The following PRKAR1B variants were observed in gnomAD, a reference collection of about 807,000 sequenced individuals.
PRKAR1B encodes the protein protein kinase cAMP-dependent type I regulatory subunit beta, also known as cAMP-dependent protein kinase type I-beta regulatory subunit.
PRKAR1B carries 22 observed loss-of-function variants against 46.5 expected under a neutral mutation model. The observed-to-expected ratio is 0.47, with a 90% CI of 0.34 to 0.68. The LOEUF is 0.68. Among genes scored for constraint, PRKAR1B ranks in the 30% least tolerant of loss-of-function variants. PRKAR1B has a pLI of 0.01. For synonymous variants in PRKAR1B, 259 were observed against 217.7 expected (o/e 1.19, Z -1.67); for missense variants, 445 against 535.6 (o/e 0.83, Z 1.67).
chr7:709,393 G>A (rs1178544751), intron 2 of PRKAR1B, among the ~76,000 whole-genome samples: 1 of 122,780 alleles, frequency 8.1e-6, no homozygotes, highest in Non-Finnish European at 1.6e-5. Context: ...TTTTTTTTGA[G>A]ACGGAGTCTC....
intron 9 of PRKAR1B, among the ~76,000 whole-genome samples, chr7:561,039 TAC>T (rs1325399262): frequency 6.6e-6 from 1 of 150,664 alleles, no homozygotes; most frequent in Admixed American, 6.6e-5. Flanking sequence ...CACACACACA[TAC>T]ACACAGATGC....
At chr7:709,951 G>A (rs1780533676) in intron 2 of PRKAR1B, among the ~76,000 whole-genome samples, 4 of 152,164 alleles carry the variant, frequency 2.6e-5, no homozygotes, top group Non-Finnish European at 5.9e-5. Context: ...CTACAACTAC[G>A]TTTTTATAAA....
At position 680,735 on chromosome 7, in the gene PRKAR1B, G is replaced by A. The variant is rs763982944; in HGVS notation, c.178-9C>T. On this transcript the variant is annotated splice_polypyrimidine_tract_variant and intron_variant, in intron 2 of 10. Transcript: ENST00000537384. ...ATCTGCCTGTTTTCTTCCTGTGTGG[G>A]AGAGGAAAACACAGAAAGGAAGTAA... The A allele has an allele frequency of 3.1e-6, 5 of 1,613,662 alleles. No individual in the cohort carries two copies. The highest frequency in any genetic ancestry group is 1.1e-5 in the South Asian group (1 of 91,068).
At chr7:583,650 ACACCCATGCG>A (rs1780413588) in intron 8 of PRKAR1B, among the ~76,000 whole-genome samples, 1 of 133,706 alleles carries the variant, frequency 7.5e-6, no homozygotes, top group African/African-American at 3.1e-5. Flanking sequence ...ACATGCATGC[ACACCCATGCG>A]CACACACCCA....
intron 6 of PRKAR1B, among the ~76,000 whole-genome samples, chr7:599,144 C>T (rs577687813): frequency 2.0e-5 from 3 of 152,304 alleles, no homozygotes; most frequent in East Asian, 1.9e-4. Context: ...GTCCCACAGA[C>T]GGCCAGGGCC....
At chr7:574,115 A>G (rs908198157) in intron 9 of PRKAR1B, among the ~76,000 whole-genome samples, 2 of 152,056 alleles carry the variant, frequency 1.3e-5, no homozygotes, top group Admixed American at 1.3e-4. Context: ...CCCCACACAC[A>G]TTTTCATGAT....
intron 2 of PRKAR1B, among the ~76,000 whole-genome samples, chr7:707,152 T>C (rs972688751): frequency 6.6e-6 from 1 of 152,240 alleles, no homozygotes; most frequent in African/African-American, 2.4e-5. Flanking sequence ...CATTTGAGAA[T>C]CCATCGCAAG....
At chr7:559,857 C>G (rs1276633844) in intron 9 of PRKAR1B, among the ~76,000 whole-genome samples, 1 of 152,204 alleles carries the variant, frequency 6.6e-6, no homozygotes, top group African/African-American at 2.4e-5. Flanking sequence ...AGGAAGATTC[C>G]TTGAGCCCAG....
chr7:552,522 C>A (rs1784309897), intron 9 of PRKAR1B, among the ~76,000 whole-genome samples: 1 of 152,014 alleles, frequency 6.6e-6, no homozygotes, highest in African/African-American at 2.4e-5. Context: ...TCCAGAGCCA[C>A]TGCCACCACC....
At chr7:681,465 A>G (rs995199582) in intron 2 of PRKAR1B, among the ~76,000 whole-genome samples, 20 of 152,296 alleles carry the variant, frequency 1.3e-4, no homozygotes, top group Non-Finnish European at 2.5e-4. Flanking sequence ...GGTAATTTTT[A>G]TAACTGCCTG....
chr7:711,475 C>G lies in PRKAR1B; in HGVS notation c.31G>C (p.Glu11Gln). ...TCACAGCCCTTCAGGCTCTCGTCCT[C>G]CTCCGAGGGGCAGGCGGGCGGGGAG... Reference protein sequence around the residue: MASPPACPSEEDESLKGCELY... With the variant: MASPPACPSEQDESLKGCELY... The change falls in exon 2 of 11, where the codon GAG (glutamate) becomes CAG (glutamine). Residue 11 changes from glutamate (E) to glutamine (Q), a missense_variant. By Grantham distance (29) the Glu-to-Gln change is conservative (BLOSUM62 2). Coordinates refer to ENST00000537384, the MANE Select transcript of PRKAR1B (RefSeq NM_001164760.2). 5 of 1,614,078 alleles carry G rather than the reference C, an allele frequency of 3.1e-6. No individual in the cohort carries two copies. Among genetic ancestry groups the G allele is most frequent in the South Asian group, 2.2e-5 (2 of 91,082 alleles).
intron 1 of PRKAR1B, among the ~76,000 whole-genome samples, chr7:715,962 G>A (rs541988370): frequency 3.7e-4 from 56 of 152,140 alleles, no homozygotes; most frequent in South Asian, 1.2e-3. Context: ...TGATCCGCCC[G>A]CCTTGGCCTC....
At chr7:625,337 A>G (rs1240750261) in intron 4 of PRKAR1B, among the ~76,000 whole-genome samples, 1 of 152,236 alleles carries the variant, frequency 6.6e-6, no homozygotes, top group Non-Finnish European at 1.5e-5. Flanking sequence ...CTAAGCTTCC[A>G]TCTTGGGAAA....
intron 1 of PRKAR1B, among the ~76,000 whole-genome samples, chr7:713,478 C>T (rs1232478071): frequency 6.6e-6 from 1 of 151,540 alleles, no homozygotes; most frequent in Non-Finnish European, 1.5e-5. Flanking sequence ...CCATCTCCCA[C>T]TCACCCGTCT....
intron 7 of PRKAR1B, among the ~76,000 whole-genome samples, chr7:589,214 G>A (rs1583258556): frequency 6.6e-6 from 1 of 151,640 alleles, no homozygotes; most frequent in East Asian, 1.9e-4. Flanking sequence ...AAGAGTGATT[G>A]AAATGAGCAG....
rs374829559 is a variant in PRKAR1B, at chr7:695,811, C to A, written c.178-15085G>T. ...CCCGAGTAGCTGGGACTACAGGTGC[C>A]TGCCACCATGCCCGGCTAATTTTTT... On this transcript the variant is annotated intron_variant, in intron 2 of 10. Coordinates refer to ENST00000537384, the MANE Select transcript of PRKAR1B (RefSeq NM_001164760.2). Among the ~76,000 whole-genome samples the A allele has an allele frequency of 2.0e-3, 300 of 151,858 alleles. 3 individuals are homozygous for A. The highest frequency in any genetic ancestry group is 7.0e-3 in the African/African-American group (289 of 41,408).
intron 1 of PRKAR1B, among the ~76,000 whole-genome samples, chr7:722,349 G>A (rs919007415): frequency 2.2e-4 from 33 of 151,240 alleles, no homozygotes; most frequent in East Asian, 7.8e-4. Context: ...TGATCTGCCC[G>A]CCTCGGCCTC....
chr7:601,775 A>C lies in PRKAR1B; in HGVS notation c.549+4418T>G, dbSNP rs1023976865. ...TTCCCGCAGGGGGCCCGGCCATCCC[A>C]CGTGAGCCTGTAGCCAGGAAGTGGG... On this transcript the variant is annotated intron_variant, in intron 6 of 10. Transcript: ENST00000537384. 2.0e-5 allele frequency among the ~76,000 whole-genome samples: 3 copies of C among 152,092 alleles called. No individual in the cohort carries two copies. The South Asian group carries it at 6.2e-4, about 32-fold the overall frequency.
intron 4 of PRKAR1B, among the ~76,000 whole-genome samples, chr7:642,463 C>G (rs1167246455): frequency 1.3e-5 from 2 of 151,012 alleles, no homozygotes; most frequent in Non-Finnish European, 3.0e-5. Context: ...CGGTGGCTCA[C>G]GCCTGTAATC....
Sources: gnomAD v4.1 joint callset for allele counts (sites outside exome capture counted in the v4.1 genomes callset) on GRCh38, gnomAD v4.1.1 for gene constraint, MANE v1.5 for transcripts, NCBI Gene and HGNC (gene_info 2026-07-23, HGNC 2026-07-21) for gene names.